Variants in SSBP3 observed in about 807,000 individuals in gnomAD.
The protein encoded by SSBP3 is single-stranded DNA-binding protein 3.
A neutral mutation model predicts 69.6 loss-of-function variants in SSBP3; 5 were observed. That is an observed-to-expected ratio of 0.07 (90% confidence interval 0.04 to 0.15). SSBP3 has a LOEUF of 0.15. SSBP3 is among the 10% of genes least tolerant of loss of function. The pLI, the probability that SSBP3 is intolerant of heterozygous loss-of-function variation, is 1.00. For missense variants in SSBP3, 312 were observed against 534.0 expected, an observed-to-expected ratio of 0.58 and a Z score of 4.10; for synonymous variants, 196 against 193.4, an observed-to-expected ratio of 1.01 and a Z score of -0.11.
intron 4 of SSBP3, among the ~76,000 whole-genome samples, chr1:54,347,150 TAG>T (rs1365478755): frequency 6.6e-6 from 1 of 152,088 alleles, no homozygotes; most frequent in Non-Finnish European, 1.5e-5. Context: ...AATTTTTACA[TAG>T]AGATGGGGTC....
intron 4 of SSBP3, among the ~76,000 whole-genome samples, chr1:54,316,344 AAAAT>A (rs1646097123): frequency 1.4e-5 from 2 of 145,054 alleles, no homozygotes; most frequent in Non-Finnish European, 3.0e-5. Context: ...CTCTGTCTCA[AAAAT>A]AAATAAATAG....
intron 4 of SSBP3, among the ~76,000 whole-genome samples, chr1:54,289,361 T>C (rs542781845): frequency 9.5e-5 from 13 of 137,272 alleles, no homozygotes; most frequent in African/African-American, 2.8e-4. Flanking sequence ...ACTGGCAAAT[T>C]ACCCTGAGAG....
chr1:54,276,789 T>C (rs1442344201), intron 5 of SSBP3, among the ~76,000 whole-genome samples: 3 of 151,978 alleles, frequency 2.0e-5, no homozygotes, highest in Admixed American at 1.3e-4. Flanking sequence ...GCCCACTGGA[T>C]CAAGCCCATA....
At position 54,309,257 on chromosome 1, in the gene SSBP3, G is replaced by A. The variant is rs562599014; in HGVS notation, c.277-27730C>T. ...GACTGAGGCATGAGCCCTGCCCTGAGGCCAGTTATAAATTTCAAACTGAGC... is the reference window on the plus strand; with the variant it reads ...GACTGAGGCATGAGCCCTGCCCTGAAGCCAGTTATAAATTTCAAACTGAGC... On this transcript the variant is annotated intron_variant, in intron 4 of 17. Coordinates refer to ENST00000610401, the Ensembl canonical transcript of SSBP3. Among the ~76,000 whole-genome samples the A allele has an allele frequency of 9.8e-5, 15 of 152,296 alleles. No individual in the cohort carries two copies. The East Asian group carries it at 1.9e-3, about 20-fold the overall frequency.
chr1:54,395,970 A>T (rs1648835271), intron 4 of SSBP3, among the ~76,000 whole-genome samples: 1 of 152,126 alleles, frequency 6.6e-6, no homozygotes, highest in South Asian at 2.1e-4. Context: ...AGGCAGTCAG[A>T]TCACAATGTC....
intron 4 of SSBP3, 84 bp downstream of exon 4, chr1:54,401,777 C>T (rs1649320813): frequency 8.6e-7 from 1 of 1,166,108 alleles, no homozygotes; most frequent in South Asian, 1.3e-5. Flanking sequence ...CCACTGCGAA[C>T]TGGCTGTGTT....
At chr1:54,318,942 G>A (rs892270713) in intron 4 of SSBP3, among the ~76,000 whole-genome samples, 6 of 152,132 alleles carry the variant, frequency 3.9e-5, no homozygotes, top group Admixed American at 1.3e-4. Context: ...ATCCCCCGCA[G>A]CAACCCAGTG....
At chr1:54,401,921 T>G (rs1400925652) in exon 4 of SSBP3, 2 of 1,614,026 alleles carry the variant, frequency 1.2e-6, no homozygotes, top group Non-Finnish European at 1.7e-6. Context: ...TTTCAGGAGC[T>G]GCACAGTAAA....
intron 4 of SSBP3, among the ~76,000 whole-genome samples, chr1:54,383,058 G>GAAAGAAAGA (rs200312410): frequency 3.3e-5 from 5 of 149,400 alleles, no homozygotes; most frequent in African/African-American, 9.9e-5. Flanking sequence ...AGGAAGGAAG[G>GAAAGAAAGA]AAAGAAAGAA....
At chr1:54,257,181 A>G in exon 7 of SSBP3, 2 of 1,599,228 alleles carry the variant, frequency 1.3e-6, no homozygotes, top group Non-Finnish European at 8.5e-7. Context: ...GCGGTGACAT[A>G]AAAGGCTGCA....
chr1:54,312,164 T>G (rs1310877884), intron 4 of SSBP3, among the ~76,000 whole-genome samples: 2 of 152,134 alleles, frequency 1.3e-5, no homozygotes, highest in Admixed American at 1.3e-4. Context: ...GCACAATGGC[T>G]CATGCCTGTA....
chr1:54,348,926 G>C (rs561448241), intron 4 of SSBP3, among the ~76,000 whole-genome samples: 1 of 152,334 alleles, frequency 6.6e-6, no homozygotes, highest in Admixed American at 6.5e-5. Flanking sequence ...GCCTGGGAGA[G>C]GTAGCCTAGT....
At chr1:54,379,764 C>T (rs1209142573) in intron 4 of SSBP3, among the ~76,000 whole-genome samples, 1 of 152,218 alleles carries the variant, frequency 6.6e-6, no homozygotes, top group Admixed American at 6.5e-5. Context: ...CAAAGTCCTG[C>T]TTTCTCTGGA....
Position 54,395,846 on chromosome 1 carries a change from T to C in SSBP3, c.276+6015A>G, listed in dbSNP as rs573742471. On this transcript the variant is annotated intron_variant, in intron 4 of 17. Coordinates refer to ENST00000610401, the Ensembl canonical transcript of SSBP3. ...AGGATTCAAAACCCAGGGAAAGAAA[T>C]ACACAACACAGACACAAACACTGCT... 1.1e-3 allele frequency among the ~76,000 whole-genome samples: 172 copies of C among 151,964 alleles called. 1 individual carries two copies. Among genetic ancestry groups the C allele is most frequent in the Non-Finnish European group, 1.7e-3 (115 of 67,970 alleles).
rs563624421 is a variant in SSBP3 at position 54,266,503 on chromosome 1, T to C, written c.367-8354A>G. 2.2e-4 allele frequency among the ~76,000 whole-genome samples: 34 copies of C among 152,320 alleles called. No homozygotes were observed. The South Asian group carries it at 7.0e-3, about 32-fold the overall frequency. On this transcript the variant is annotated intron_variant, in intron 5 of 17. Transcript: ENST00000610401. ...GCCCACAAAGTCTAAGATTATTTCC[T>C]AGCTGTCCCTTCACAGAAAAAGTCT... is the stretch of plus-strand genomic sequence containing the variant.
intron 12 of SSBP3, among the ~76,000 whole-genome samples, chr1:54,241,164 G>A (rs964818036): frequency 2.6e-5 from 4 of 152,132 alleles, no homozygotes; most frequent in Admixed American, 6.5e-5. Flanking sequence ...CAGACCAAGC[G>A]GCCCCTGTGG....
chr1:54,263,164 G>T (rs1191036148), intron 5 of SSBP3, among the ~76,000 whole-genome samples: 2 of 152,202 alleles, frequency 1.3e-5, no homozygotes, highest in Non-Finnish European at 1.5e-5. Flanking sequence ...CTGATGGTTA[G>T]TGAAAAAGCC....
chr1:54,284,993 T>A (rs1025276254), intron 4 of SSBP3, among the ~76,000 whole-genome samples: 9 of 151,728 alleles, frequency 5.9e-5, no homozygotes, highest in African/African-American at 2.2e-4. Context: ...GAAGATGGAG[T>A]TTTGCTGTTC....
At chr1:54,370,431 T>A (rs987874312) in intron 4 of SSBP3, among the ~76,000 whole-genome samples, 2 of 152,294 alleles carry the variant, frequency 1.3e-5, no homozygotes, top group East Asian at 3.9e-4. Flanking sequence ...AGAGTTACCG[T>A]GATCAACTTG....
Sources: allele counts gnomAD v4.1 joint callset (sites outside exome capture counted in the v4.1 genomes callset), GRCh38; gene constraint gnomAD v4.1.1; transcripts MANE v1.5; gene names NCBI Gene and HGNC (gene_info 2026-07-23, HGNC 2026-07-21).